GPD1L: variants seen among roughly 807,000 people sequenced by gnomAD.
The protein encoded by GPD1L is glycerol-3-phosphate dehydrogenase 1 like, also known as glycerol-3-phosphate dehydrogenase 1-like protein.
In GPD1L, 17 loss-of-function variants were observed where a neutral mutation model predicts 32.9. The observed-to-expected ratio is 0.52, with a 90% CI of 0.35 to 0.78. The LOEUF is 0.78. Among genes scored for constraint, GPD1L ranks in the 30% least tolerant of loss-of-function variants. GPD1L has a pLI of 0.01. For synonymous variants in GPD1L, 187 were observed against 165.9 expected, an observed-to-expected ratio of 1.13 and a Z score of -0.98; for missense variants, 361 against 447.8, an observed-to-expected ratio of 0.81 and a Z score of 1.75.
At chr3:32,118,090 G>A (rs1026591076) in intron 1 of GPD1L, among the ~76,000 whole-genome samples, 1 of 152,174 alleles carries the variant, frequency 6.6e-6, no homozygotes, top group African/African-American at 2.4e-5. Flanking sequence ...GTGGATTTCA[G>A]TTAAACCTCC....
Position 32,159,040 on chromosome 3 carries a change from C to G in GPD1L, c.783C>G (p.Ala261=). 6.2e-7 allele frequency: 1 copy of G among 1,613,948 alleles called. No homozygotes were observed. The highest frequency in any genetic ancestry group is 8.5e-7 in the Non-Finnish European group (1 of 1,180,030). The change falls in exon 6 of 8, where the codon GCC becomes GCG. Residue 261 remains alanine (A), a synonymous_variant. Transcript: ENST00000282541. ...CCTTCCTAGAGAGCTGCGGGGTGGCCGACCTGATCACCACCTGTTACGGAG... is the reference window on the plus strand; with the variant it reads ...CCTTCCTAGAGAGCTGCGGGGTGGCGGACCTGATCACCACCTGTTACGGAG... ...TATFLESCGV[A]DLITTCYGGR...
intron 5 of GPD1L, among the ~76,000 whole-genome samples, chr3:32,154,065 A>C (rs1040493034): frequency 6.6e-6 from 1 of 152,164 alleles, no homozygotes; most frequent in Non-Finnish European, 1.5e-5. Context: ...ATGCTGTTCA[A>C]ACACGCTCTG....
intron 1 of GPD1L, among the ~76,000 whole-genome samples, chr3:32,112,497 C>T (rs1700266928): frequency 6.6e-6 from 1 of 152,086 alleles, no homozygotes; most frequent in South Asian, 2.1e-4. Flanking sequence ...ATTAGCTGGG[C>T]ATGATGGCAT....
chr3:32,136,559 A>T (rs1288181196), intron 2 of GPD1L, among the ~76,000 whole-genome samples: 1 of 152,190 alleles, frequency 6.6e-6, no homozygotes, highest in African/African-American at 2.4e-5. Context: ...TCCTGAAGGG[A>T]TAAGGGAATT....
At chr3:32,126,788 C>G (rs1700514314) in intron 1 of GPD1L, among the ~76,000 whole-genome samples, 1 of 152,186 alleles carries the variant, frequency 6.6e-6, no homozygotes, top group African/African-American at 2.4e-5. Context: ...GGCTGCACAT[C>G]AAGTCATCAG....
Position 32,167,447 on chromosome 3 carries a change from A to G in GPD1L, c.*1537A>G, listed in dbSNP as rs1020042616. ...ATTAGGATGAATAACTACCTGTGGC[A>G]TTGTTGGTTCTGAACTTTTACAGTT... On this transcript the variant is annotated 3_prime_UTR_variant, in exon 8 of 8. Transcript: ENST00000282541. 6.6e-6 allele frequency: 1 copy of G among 152,654 alleles called. No homozygotes were observed. The highest frequency in any genetic ancestry group is 1.5e-5 in the Non-Finnish European group (1 of 68,048). 9.5% of individuals were successfully genotyped at this position (152,654 alleles called of 1,614,324 possible).
intron 1 of GPD1L, among the ~76,000 whole-genome samples, chr3:32,115,249 C>T (rs1575106949): frequency 6.6e-6 from 1 of 151,652 alleles, no homozygotes; most frequent in African/African-American, 2.4e-5. Flanking sequence ...GGTGCATTTA[C>T]AATCCTTTAG....
At chr3:32,121,793 C>T (rs1461611089) in intron 1 of GPD1L, among the ~76,000 whole-genome samples, 1 of 140,652 alleles carries the variant, frequency 7.1e-6, no homozygotes, top group Non-Finnish European at 1.5e-5. Flanking sequence ...TTTTTTTAGG[C>T]AGAGTTTTGC....
At chr3:32,155,980 C>A (rs1444175104) in intron 5 of GPD1L, among the ~76,000 whole-genome samples, 1 of 152,114 alleles carries the variant, frequency 6.6e-6, no homozygotes, top group Non-Finnish European at 1.5e-5. Context: ...CCTAGGTGGG[C>A]CCAGCCCCAG....
At chr3:32,109,290 C>T (rs1038845602) in intron 1 of GPD1L, among the ~76,000 whole-genome samples, 5 of 152,158 alleles carry the variant, frequency 3.3e-5, no homozygotes, top group African/African-American at 2.4e-5. Context: ...ATGACAGCCC[C>T]TTTTCCTAAT....
intron 1 of GPD1L, among the ~76,000 whole-genome samples, chr3:32,123,721 G>C (rs1234195605): frequency 6.6e-6 from 1 of 152,030 alleles, no homozygotes; most frequent in African/African-American, 2.4e-5. Context: ...TAGATAGATA[G>C]ATAGATATGC....
At chr3:32,162,500 C>G (rs1374834414) in intron 7 of GPD1L, among the ~76,000 whole-genome samples, 1 of 119,762 alleles carries the variant, frequency 8.3e-6, no homozygotes, top group Non-Finnish European at 1.7e-5. Context: ...ATTCTCCTGC[C>G]TCAGCCTCCC....
At chr3:32,149,586 T>G (rs1334506732) in intron 5 of GPD1L, among the ~76,000 whole-genome samples, 1 of 152,252 alleles carries the variant, frequency 6.6e-6, no homozygotes, top group Non-Finnish European at 1.5e-5. Context: ...ATGTCCTTCA[T>G]GAACTCTTAG....
chr3:32,121,963 GT>G (rs1188596065), intron 1 of GPD1L, among the ~76,000 whole-genome samples: 1 of 151,892 alleles, frequency 6.6e-6, no homozygotes, highest in Non-Finnish European at 1.5e-5. Flanking sequence ...CAGAGACGGT[GT>G]TTTACCATGT....
chr3:32,123,642 T>A (rs1170177398), intron 1 of GPD1L, among the ~76,000 whole-genome samples: 1 of 152,122 alleles, frequency 6.6e-6, no homozygotes, highest in Non-Finnish European at 1.5e-5. Context: ...CTCGTGCCCT[T>A]GACCCAGCCA....
intron 1 of GPD1L, among the ~76,000 whole-genome samples, chr3:32,124,331 C>T (rs1372835200): frequency 6.6e-6 from 1 of 152,206 alleles, no homozygotes; most frequent in African/African-American, 2.4e-5. Flanking sequence ...TCCCAAAGTG[C>T]TGGGATTACA....
In GPD1L at chr3:32,146,750, G is replaced by C. The variant is rs767319675; in HGVS notation, c.618+16G>C. On this transcript the variant is annotated intron_variant, in intron 5 of 7. Coordinates refer to ENST00000282541, the MANE Select transcript of GPD1L (RefSeq NM_015141.4). ...TGCGCTTAAGGTAAAGTCAGCCTCA[G>C]GGGAGGAGTTCATCAAGCAAGGCAA... The C allele has an allele frequency of 7.0e-7, 1 of 1,429,100 alleles. No individual in the cohort carries two copies. The highest frequency in any genetic ancestry group is 1.4e-5 in the African/African-American group (1 of 70,094). The allele number at this position is 1,429,100 out of a possible 1,614,324, so 88.5% of individuals were successfully genotyped here.
chr3:32,155,600 G>T (rs7648515), intron 5 of GPD1L, among the ~76,000 whole-genome samples: 1 of 151,902 alleles, frequency 6.6e-6, no homozygotes, highest in Non-Finnish European at 1.5e-5. Flanking sequence ...CCTAAGCCTC[G>T]CCACATTGCA....
chr3:32,125,712 C>G (rs1304966855), intron 1 of GPD1L, among the ~76,000 whole-genome samples: 3 of 152,214 alleles, frequency 2.0e-5, no homozygotes, highest in Non-Finnish European at 2.9e-5. Flanking sequence ...AGCTATTTAT[C>G]TCTCTGAGCG....
Sources: allele counts gnomAD v4.1 joint callset (sites outside exome capture counted in the v4.1 genomes callset), GRCh38; gene constraint gnomAD v4.1.1; transcripts MANE v1.5; gene names NCBI Gene and HGNC (gene_info 2026-07-23, HGNC 2026-07-21).